NRG1: variants seen among roughly 807,000 people sequenced by gnomAD.
NRG1 encodes the protein neuregulin 1.
In NRG1, 18 loss-of-function variants were observed where a neutral mutation model predicts 63.8. That is an observed-to-expected ratio of 0.28 (90% CI 0.19 to 0.42). The LOEUF is 0.42. Ranked by LOEUF, NRG1 falls within the 10% of genes least tolerant of loss-of-function variation. The probability of loss-of-function intolerance (pLI) is 1.00; values close to 1 mark genes in which losing one functional copy is unlikely to be tolerated. For missense variants in NRG1, 762 were observed against 814.7 expected (o/e 0.94, Z 0.79); for synonymous variants, 302 against 301.3 (o/e 1.00, Z -0.02).
At chr8:32,617,944 G>A (rs978681092) in intron 5 of NRG1, among the ~76,000 whole-genome samples, 1 of 152,138 alleles carries the variant, frequency 6.6e-6, no homozygotes, top group Non-Finnish European at 1.5e-5. Flanking sequence ...GTGAAGTATG[G>A]TGTTTTGGCT....
chr8:32,204,692 A>G (rs1022852294), intron 1 of NRG1, among the ~76,000 whole-genome samples: 9 of 152,230 alleles, frequency 5.9e-5, no homozygotes, highest in Non-Finnish European at 1.5e-5. Context: ...AATGGATTGT[A>G]AGAATATACA....
chr8:32,678,829 GCTAT>G (rs1171185329), intron 5 of NRG1, among the ~76,000 whole-genome samples: 4 of 152,090 alleles, frequency 2.6e-5, no homozygotes, highest in Non-Finnish European at 2.9e-5. Context: ...TGCTGAATGT[GCTAT>G]CTTTTAAGTC....
At chr8:32,223,885 A>G (rs1165911082) in intron 1 of NRG1, among the ~76,000 whole-genome samples, 4 of 152,192 alleles carry the variant, frequency 2.6e-5, no homozygotes, top group Non-Finnish European at 5.9e-5. Flanking sequence ...CAAGATGCAC[A>G]AAGAGGGAGA....
chr8:32,060,757 G>A (rs1005138303), intron 1 of NRG1, among the ~76,000 whole-genome samples: 4 of 151,726 alleles, frequency 2.6e-5, no homozygotes, highest in African/African-American at 9.7e-5. Flanking sequence ...TGAAGTTTTT[G>A]TTATTCTTTT....
intron 1 of NRG1, among the ~76,000 whole-genome samples, chr8:32,006,487 C>A (rs1413890649): frequency 6.6e-6 from 1 of 152,030 alleles, no homozygotes; most frequent in Non-Finnish European, 1.5e-5. Flanking sequence ...GTATTCCTGG[C>A]AGACCTAATC....
At chr8:32,702,138 A>T (rs1467339562) in intron 5 of NRG1, among the ~76,000 whole-genome samples, 2 of 152,214 alleles carry the variant, frequency 1.3e-5, no homozygotes, top group East Asian at 3.9e-4. Flanking sequence ...GTCATTTATA[A>T]CAACAAAAAA....
At chr8:32,716,701 A>G (rs1172153875) in intron 5 of NRG1, among the ~76,000 whole-genome samples, 1 of 152,060 alleles carries the variant, frequency 6.6e-6, no homozygotes, top group Non-Finnish European at 1.5e-5. Context: ...TTTTCTTTTT[A>G]TGATCTTCTT....
In NRG1 at chr8:32,350,511, C is replaced by T. The variant is rs1049517012; in HGVS notation, c.38-245317C>T. Among the ~76,000 whole-genome samples, 9 of 152,050 alleles carry T rather than the reference C, an allele frequency of 5.9e-5. No individual in the cohort carries two copies. The South Asian group carries it at 6.2e-4, about 11-fold the overall frequency. ...TGGACCTTGGCTTATATTTATTTAA[C>T]AAAGACGTGGAATTTCTCTAACAGA... On this transcript the variant is annotated intron_variant, in intron 1 of 10. Transcript: ENST00000519301.
intron 1 of NRG1, among the ~76,000 whole-genome samples, chr8:32,496,948 C>T (rs1563545070): frequency 6.6e-6 from 1 of 152,104 alleles, no homozygotes; most frequent in Non-Finnish European, 1.5e-5. Context: ...TTCTCATTCT[C>T]CTTTTACACA....
intron 1 of NRG1, among the ~76,000 whole-genome samples, chr8:32,302,077 G>A (rs1183172328): frequency 6.6e-6 from 1 of 152,108 alleles, no homozygotes; most frequent in Admixed American, 6.6e-5. Context: ...TTCATTTAGT[G>A]ATGTATTATT....
At chr8:32,206,631 A>C (rs901508547) in intron 1 of NRG1, among the ~76,000 whole-genome samples, 1 of 152,178 alleles carries the variant, frequency 6.6e-6, no homozygotes, top group Non-Finnish European at 1.5e-5. Context: ...ATGCCCCTCC[A>C]TGTCCACAAT....
At chr8:32,696,215 G>A (rs1160866160) in intron 5 of NRG1, among the ~76,000 whole-genome samples, 2 of 152,180 alleles carry the variant, frequency 1.3e-5, no homozygotes, top group East Asian at 3.9e-4. Flanking sequence ...GACTACTCAT[G>A]TCTTAGAAAA....
At position 32,324,243 on chromosome 8, in the gene NRG1, C is replaced by A. The variant is rs549671014; in HGVS notation, c.38-271585C>A. Among the ~76,000 whole-genome samples, 88 of 152,338 alleles carry A rather than the reference C, an allele frequency of 5.8e-4. 1 individual carries two copies. Among genetic ancestry groups the A allele is most frequent in the Non-Finnish European group, 7.6e-4 (52 of 68,030 alleles). On this transcript the variant is annotated intron_variant, in intron 1 of 10. Coordinates refer to the NRG1 transcript ENST00000519301. ...TTATGGATGGGAAAACTCAAACAGTCTGCTCTTAGATGGTCCTTATTGCAG... is the reference window on the plus strand; with the variant it reads ...TTATGGATGGGAAAACTCAAACAGTATGCTCTTAGATGGTCCTTATTGCAG...
chr8:32,728,048 A>T, exon 6 of NRG1: 1 of 1,614,032 alleles, frequency 6.2e-7, no homozygotes, highest in Non-Finnish European at 8.5e-7. Flanking sequence ...ATGGTGAAAG[A>T]CCTTTCAAAC....
At chr8:31,959,789 TA>T (rs2129625530) in intron 1 of NRG1, among the ~76,000 whole-genome samples, 1 of 130,686 alleles carries the variant, frequency 7.7e-6, no homozygotes, top group East Asian at 2.3e-4. Flanking sequence ...ATTATTTATT[TA>T]TTTATTATTT....
At chr8:31,710,040 A>G (rs956014798) in intron 1 of NRG1, among the ~76,000 whole-genome samples, 1 of 151,714 alleles carries the variant, frequency 6.6e-6, no homozygotes, top group African/African-American at 2.4e-5. Context: ...TTTAATAAAA[A>G]TTAAATGCTC....
intron 5 of NRG1, among the ~76,000 whole-genome samples, chr8:32,688,968 A>C (rs574806614): frequency 6.6e-6 from 1 of 152,282 alleles, no homozygotes; most frequent in East Asian, 1.9e-4. Context: ...TCGTCACACC[A>C]TAATCTTAAA....
chr8:32,190,979 C>G (rs950400003), intron 1 of NRG1, among the ~76,000 whole-genome samples: 1 of 152,162 alleles, frequency 6.6e-6, no homozygotes, highest in African/African-American at 2.4e-5. Context: ...GGATAGTAGA[C>G]AAACATCCAT....
At chr8:32,430,761 C>A (rs1220017401) in intron 1 of NRG1, among the ~76,000 whole-genome samples, 3 of 150,994 alleles carry the variant, frequency 2.0e-5, no homozygotes, top group African/African-American at 4.9e-5. Context: ...TCTGATTATA[C>A]CTCATGTTAC....
Sources: gnomAD v4.1 joint callset for allele counts (sites outside exome capture counted in the v4.1 genomes callset) on GRCh38, gnomAD v4.1.1 for gene constraint, MANE v1.5 for transcripts, NCBI Gene and HGNC (gene_info 2026-07-23, HGNC 2026-07-21) for gene names.